Variants in CEP128 observed in about 807,000 individuals in gnomAD.
CEP128 encodes centrosomal protein 128kDa.
In CEP128, 132 loss-of-function variants were observed where a neutral mutation model predicts 156.7. That is an observed-to-expected ratio of 0.84 (90% CI 0.73 to 0.97). The LOEUF is 0.97. Among genes scored for constraint, CEP128 ranks in the 50% least tolerant of loss-of-function variants. The pLI, the probability that CEP128 is intolerant of heterozygous loss-of-function variation, is 0.00. For missense variants in CEP128, 1,252 were observed against 1,281.9 expected (o/e 0.98, Z 0.36); for synonymous variants, 469 against 448.9 (o/e 1.04, Z -0.57).
intron 8 of CEP128, among the ~76,000 whole-genome samples, chr14:80,870,712 T>C (rs980708985): frequency 2.0e-5 from 3 of 151,942 alleles, no homozygotes; most frequent in Admixed American, 1.3e-4. Flanking sequence ...GTATGAACAC[T>C]TCCATTCAAC....
chr14:80,849,564 A>G (rs1886784656), intron 9 of CEP128, among the ~76,000 whole-genome samples: 1 of 152,226 alleles, frequency 6.6e-6, no homozygotes, highest in African/African-American at 2.4e-5. Context: ...CAGTATGGAC[A>G]AAGATATATA....
At chr14:80,514,849 G>A (rs1397419594) in intron 23 of CEP128, among the ~76,000 whole-genome samples, 1 of 152,078 alleles carries the variant, frequency 6.6e-6, no homozygotes, top group Non-Finnish European at 1.5e-5. Flanking sequence ...GGTTTGTTTG[G>A]ATCCATCCTT....
In CEP128 at chr14:80,743,331, T is replaced by A; in HGVS notation, c.2614-64A>T. 7 of 1,272,500 alleles carry A rather than the reference T, an allele frequency of 5.5e-6. No individual in the cohort carries two copies. In the Admixed American group the frequency reaches 1.2e-4, roughly 22 times the overall value. 78.8% of individuals were successfully genotyped at this position (1,272,500 alleles called of 1,614,324 possible). The stretch of plus-strand genomic sequence containing the variant: ...CAGAAAAGAGCAGCATTTCAAAACA[T>A]GAAGAAAAAAATAAGTAACATAATT... On this transcript the variant is annotated intron_variant, in intron 18 of 24. Coordinates refer to ENST00000555265, the MANE Select transcript of CEP128 (RefSeq NM_152446.5).
intron 14 of CEP128, among the ~76,000 whole-genome samples, chr14:80,792,517 G>C (rs1432608675): frequency 6.6e-6 from 1 of 152,134 alleles, no homozygotes; most frequent in East Asian, 1.9e-4. Flanking sequence ...ATTGGGGCAA[G>C]GGGTACATCT....
rs183973272 is a variant in CEP128 at position 80,618,015 on chromosome 14, T to C, written c.2807-37592A>G. 2.0e-5 allele frequency among the ~76,000 whole-genome samples: 3 copies of C among 152,316 alleles called. No individual in the cohort carries two copies. The East Asian group carries it at 5.8e-4, about 29-fold the overall frequency. On this transcript the variant is annotated intron_variant, in intron 19 of 24. Transcript: ENST00000555265. Reference sequence around the variant, plus strand: ...GGATGGACTATTTTAAAGGATTTAATTAGATAATGCACGTAAAACACTTGG... The same window carrying C: ...GGATGGACTATTTTAAAGGATTTAACTAGATAATGCACGTAAAACACTTGG...
chr14:80,620,049 C>A (rs772815697), intron 19 of CEP128, among the ~76,000 whole-genome samples: 4 of 151,164 alleles, frequency 2.6e-5, no homozygotes, highest in Admixed American at 2.0e-4. Flanking sequence ...CACTTGAACT[C>A]GGGAGGCGGA....
At chr14:80,627,044 C>T (rs1302433005) in intron 19 of CEP128, among the ~76,000 whole-genome samples, 5 of 152,094 alleles carry the variant, frequency 3.3e-5, no homozygotes, top group Non-Finnish European at 7.3e-5. Context: ...TGACAAGATA[C>T]TTATTAGACC....
At chr14:80,954,041 G>A (rs1886532381) in intron 2 of CEP128, among the ~76,000 whole-genome samples, 1 of 152,068 alleles carries the variant, frequency 6.6e-6, no homozygotes, top group Admixed American at 6.5e-5. Context: ...AGGCCGAGGC[G>A]GGCGGATCAC....
At chr14:80,628,612 G>A (rs1487077727) in intron 19 of CEP128, among the ~76,000 whole-genome samples, 2 of 152,112 alleles carry the variant, frequency 1.3e-5, no homozygotes, top group Non-Finnish European at 2.9e-5. Flanking sequence ...CTCGCAATAT[G>A]AAGTTATTAT....
At chr14:80,691,443 T>TGA (rs1030815078) in intron 19 of CEP128, among the ~76,000 whole-genome samples, 1 of 151,984 alleles carries the variant, frequency 6.6e-6, no homozygotes, top group Non-Finnish European at 1.5e-5. Flanking sequence ...ATCTCTGAAG[T>TGA]GAGAGAGAGA....
intron 19 of CEP128, among the ~76,000 whole-genome samples, chr14:80,740,166 T>C (rs1310735449): frequency 6.6e-6 from 1 of 152,076 alleles, no homozygotes; most frequent in Non-Finnish European, 1.5e-5. Flanking sequence ...TGTTCTTTCA[T>C]TACTTCCCTC....
chr14:80,844,878 G>GAACA (rs5810004), intron 9 of CEP128, among the ~76,000 whole-genome samples: 89,963 of 151,212 alleles, frequency 0.59, 27,062 homozygotes, highest in East Asian at 0.78. Context: ...TTTCTCCAAT[G>GAACA]AACAAACTTC....
chr14:80,890,837 C>T lies in CEP128; in HGVS notation c.645+4881G>A, dbSNP rs187468775. ...CAAAATAACCATTATTCATAAGGAG[C>T]TCAAACAACTCTATAGGAAAAGATC... is the stretch of plus-strand genomic sequence containing the variant. On this transcript the variant is annotated intron_variant, in intron 8 of 24. Transcript: ENST00000555265. 5.7e-4 allele frequency among the ~76,000 whole-genome samples: 87 copies of T among 151,886 alleles called. 1 individual carries two copies. The highest frequency in any genetic ancestry group is 2.0e-3 in the African/African-American group (81 of 41,452).
intron 19 of CEP128, among the ~76,000 whole-genome samples, chr14:80,657,461 G>A (rs1216534265): frequency 6.6e-6 from 1 of 151,760 alleles, no homozygotes; most frequent in African/African-American, 2.4e-5. Context: ...AGACACCCTG[G>A]TCAACATGGC....
intron 23 of CEP128, among the ~76,000 whole-genome samples, chr14:80,520,268 A>C (rs1888677355): frequency 6.6e-6 from 1 of 152,006 alleles, no homozygotes; most frequent in African/African-American, 2.4e-5. Context: ...AAAATACAAA[A>C]ATTAGCCAGG....
chr14:80,541,194 C>A (rs551322879), intron 21 of CEP128, among the ~76,000 whole-genome samples: 4 of 152,232 alleles, frequency 2.6e-5, no homozygotes, highest in African/African-American at 7.2e-5. Context: ...ATCTGAACAT[C>A]TCTAATAACC....
intron 19 of CEP128, among the ~76,000 whole-genome samples, chr14:80,701,290 G>C (rs923658595): frequency 6.6e-6 from 1 of 152,102 alleles, no homozygotes; most frequent in African/African-American, 2.4e-5. Context: ...AGAGGCTGCC[G>C]TAACTGCTGT....
chr14:80,931,207 G>A (rs1409671321), intron 2 of CEP128, among the ~76,000 whole-genome samples: 2 of 152,204 alleles, frequency 1.3e-5, no homozygotes, highest in African/African-American at 4.8e-5. Flanking sequence ...TACCTAACAG[G>A]AAAACCACAT....
At position 80,831,219 on chromosome 14, in the gene CEP128, G is replaced by A. The variant is rs1466743231; in HGVS notation, c.1133C>T (p.Ala378Val). The change falls in exon 13 of 25, where the codon GCA (alanine) becomes GTA (valine). Residue 378 changes from alanine (A) to valine (V), a missense_variant. Physicochemically the swap from Ala to Val is moderately conservative, Grantham distance 64. Transcript: ENST00000555265. Reference protein sequence around the residue: ...LRVQLNFSAMASELEEVKRCM... With the variant: ...LRVQLNFSAMVSELEEVKRCM... The stretch of plus-strand genomic sequence containing the variant: ...CCGTTTCACTTCCTCTAACTCAGAT[G>A]CCATTGCGCTGAAGTTCAGCTGCAC... 2 of 1,613,724 alleles carry A rather than the reference G, an allele frequency of 1.2e-6. No homozygotes were observed. The highest frequency in any genetic ancestry group is 2.2e-5 in the South Asian group (2 of 91,064).
Sources: gnomAD v4.1 joint callset for allele counts (sites outside exome capture counted in the v4.1 genomes callset) on GRCh38, gnomAD v4.1.1 for gene constraint, MANE v1.5 for transcripts, NCBI Gene and HGNC (gene_info 2026-07-23, HGNC 2026-07-21) for gene names.